LRFN2: variants seen among roughly 807,000 people sequenced by gnomAD.
LRFN2 encodes the protein leucine-rich repeat and fibronectin type-III domain-containing protein 2.
LRFN2 carries 18 observed loss-of-function variants against 37.3 expected under a neutral mutation model. That is an observed-to-expected ratio of 0.48 (90% CI 0.33 to 0.72). The LOEUF (loss-of-function observed/expected upper bound fraction) is 0.72, where lower values mean the gene tolerates loss of function less well. LRFN2 is among the 30% of genes least tolerant of loss of function. The pLI is 0.02. For synonymous variants in LRFN2, 556 were observed against 466.6 expected (o/e 1.19, Z -2.47); for missense variants, 1,006 against 1,060.7 (o/e 0.95, Z 0.72).
rs573316834 is a variant in LRFN2 at position 40,519,079 on chromosome 6, G to A, written c.-19+67862C>T. ...GAACCACCCCTTCTGCAGGGGTCAG[G>A]GAAAGAGTTAGGGGACTCACTACCT... On this transcript the variant is annotated intron_variant, in intron 1 of 2. Coordinates refer to ENST00000338305, the MANE Select transcript of LRFN2 (RefSeq NM_020737.3). Among the ~76,000 whole-genome samples the A allele has an allele frequency of 1.1e-4, 16 of 152,278 alleles. 1 individual carries two copies. In the South Asian group the frequency reaches 3.3e-3, roughly 32 times the overall value.
intron 1 of LRFN2, among the ~76,000 whole-genome samples, chr6:40,495,699 A>G (rs1029173252): frequency 6.6e-6 from 1 of 152,096 alleles, no homozygotes; most frequent in Non-Finnish European, 1.5e-5. Context: ...CCCCAAAAGC[A>G]TGGGTTGTTC....
rs576943162 is a variant in LRFN2 at position 40,451,666 on chromosome 6, C to T, written c.-18-18535G>A. ...TGCCGTGTGGATCCTGGTCTCCTGA[C>T]AATTACGAGAAGGAGCTGTAGTGCC... is the stretch of plus-strand genomic sequence containing the variant. On this transcript the variant is annotated intron_variant, in intron 1 of 2. Transcript: ENST00000338305. Among the ~76,000 whole-genome samples, 32 of 152,192 alleles carry T rather than the reference C, an allele frequency of 2.1e-4. No homozygotes were observed. In the South Asian group the frequency reaches 6.6e-3, roughly 32 times the overall value.
intron 1 of LRFN2, among the ~76,000 whole-genome samples, chr6:40,585,211 G>A (rs1360106177): frequency 2.0e-5 from 3 of 152,172 alleles, no homozygotes; most frequent in African/African-American, 7.2e-5. Flanking sequence ...CCAGGATGAG[G>A]GCAGGAAGAT....
intron 2 of LRFN2, among the ~76,000 whole-genome samples, chr6:40,425,734 C>T (rs747912572): frequency 7.2e-5 from 11 of 152,242 alleles, no homozygotes; most frequent in African/African-American, 9.6e-5. Flanking sequence ...TGTGTCACAG[C>T]GCCTGCCTGC....
At chr6:40,532,177 G>A (rs1363318050) in intron 1 of LRFN2, among the ~76,000 whole-genome samples, 1 of 152,192 alleles carries the variant, frequency 6.6e-6, no homozygotes, top group Non-Finnish European at 1.5e-5. Flanking sequence ...GGCAGTTGGA[G>A]CTGCCTTCCC....
chr6:40,553,008 C>T (rs2113923854), intron 1 of LRFN2, among the ~76,000 whole-genome samples: 1 of 152,316 alleles, frequency 6.6e-6, no homozygotes, highest in Middle Eastern at 3.4e-3. Flanking sequence ...CTGAAATTTG[C>T]ACTAGCTGAT....
intron 1 of LRFN2, among the ~76,000 whole-genome samples, chr6:40,579,540 A>AC: frequency 1.4e-3 from 1 of 714 alleles, no homozygotes; most frequent in African/African-American, 6.0e-3. Flanking sequence ...CATCACCACC[A>AC]TCAGCTTTAC....
intron 1 of LRFN2, among the ~76,000 whole-genome samples, chr6:40,543,626 T>A (rs1055820866): frequency 2.6e-5 from 4 of 152,194 alleles, no homozygotes; most frequent in African/African-American, 9.7e-5. Context: ...CTAGCTAGAA[T>A]GTGGCTGTTT....
intron 1 of LRFN2, among the ~76,000 whole-genome samples, chr6:40,467,833 A>G (rs1764504279): frequency 6.6e-6 from 1 of 152,148 alleles, no homozygotes. Context: ...ATTAGATGAA[A>G]GAAATCTGAG....
chr6:40,436,885 C>A (rs1991875), intron 1 of LRFN2, among the ~76,000 whole-genome samples: 1 of 152,070 alleles, frequency 6.6e-6, no homozygotes, highest in African/African-American at 2.4e-5. Context: ...TTTCTGGCTA[C>A]GGCATCTGCT....
Position 40,391,845 on chromosome 6 carries a change from T to C in LRFN2, c.*98A>G, listed in dbSNP as rs971754886. ...ACAGGGAGACGAAACTGTCCCTGGA[T>C]GTAAACATCACCATGGAAACTCCAC... On this transcript the variant is annotated 3_prime_UTR_variant, in exon 3 of 3. Coordinates refer to ENST00000338305, the MANE Select transcript of LRFN2 (RefSeq NM_020737.3). 2.1e-5 allele frequency: 28 copies of C among 1,307,470 alleles called. No homozygotes were observed. Among genetic ancestry groups the C allele is most frequent in the Non-Finnish European group, 2.9e-5 (28 of 971,538 alleles). 81.0% of individuals were successfully genotyped at this position (1,307,470 alleles called of 1,614,324 possible).
intron 1 of LRFN2, among the ~76,000 whole-genome samples, chr6:40,579,298 C>T (rs1384162571): frequency 6.6e-6 from 1 of 152,146 alleles, no homozygotes; most frequent in Non-Finnish European, 1.5e-5. Flanking sequence ...CCAGCTCAGC[C>T]CCTGTGACAT....
rs181310156 is a variant in LRFN2, at chr6:40,466,576, G to T, written c.-18-33445C>A. 3.1e-3 allele frequency among the ~76,000 whole-genome samples: 468 copies of T among 152,200 alleles called. 5 individuals are homozygous for T. Among genetic ancestry groups the T allele is most frequent in the African/African-American group, 0.011 (440 of 41,496 alleles). Reference sequence around the variant, plus strand: ...CCCCACTCAAGAGTCTACCAGAATTGTTCCCGCCAGAGGACAAAGATACAG... The same window carrying T: ...CCCCACTCAAGAGTCTACCAGAATTTTTCCCGCCAGAGGACAAAGATACAG... On this transcript the variant is annotated intron_variant, in intron 1 of 2. Coordinates refer to ENST00000338305, the MANE Select transcript of LRFN2 (RefSeq NM_020737.3).
chr6:40,460,688 C>G (rs984821619), intron 1 of LRFN2, among the ~76,000 whole-genome samples: 1 of 152,096 alleles, frequency 6.6e-6, no homozygotes, highest in African/African-American at 2.4e-5. Flanking sequence ...ATCCAGGGAG[C>G]TGGGTTATAA....
At chr6:40,542,105 G>A (rs747503650) in intron 1 of LRFN2, among the ~76,000 whole-genome samples, 1 of 152,318 alleles carries the variant, frequency 6.6e-6, no homozygotes. Flanking sequence ...GCAGACACAC[G>A]CAAATACACA....
chr6:40,505,427 G>T (rs1014961477), intron 1 of LRFN2, among the ~76,000 whole-genome samples: 4 of 152,122 alleles, frequency 2.6e-5, no homozygotes, highest in African/African-American at 7.2e-5. Context: ...ATGTAATTTC[G>T]CTCCATGACG....
chr6:40,585,824 C>T (rs1333294197), intron 1 of LRFN2, among the ~76,000 whole-genome samples: 1 of 151,736 alleles, frequency 6.6e-6, no homozygotes, highest in Non-Finnish European at 1.5e-5. Flanking sequence ...CTCCCTGAAA[C>T]ATACACATGC....
chr6:40,394,786 C>T (rs4711633), intron 2 of LRFN2, among the ~76,000 whole-genome samples: 95,018 of 151,818 alleles, frequency 0.63, 30,294 homozygotes, highest in Middle Eastern at 0.76. Flanking sequence ...ATTCTCATGA[C>T]AGTGAACAAA....
chr6:40,530,247 G>A (rs1231959614), intron 1 of LRFN2, among the ~76,000 whole-genome samples: 1 of 152,184 alleles, frequency 6.6e-6, no homozygotes, highest in African/African-American at 2.4e-5. Flanking sequence ...GATAGAAGGT[G>A]AAGTCTAACA....
Sources: allele counts gnomAD v4.1 joint callset (sites outside exome capture counted in the v4.1 genomes callset), GRCh38; gene constraint gnomAD v4.1.1; transcripts MANE v1.5; gene names NCBI Gene and HGNC (gene_info 2026-07-23, HGNC 2026-07-21).